Variants in RIMKLA observed in about 807,000 individuals in gnomAD.
RIMKLA encodes N-acetylaspartylglutamate synthase A.
Under a neutral mutation model 32.7 loss-of-function variants are expected in RIMKLA, and 14 were observed. The ratio of observed to expected loss-of-function variants is 0.43; its 90% CI spans 0.28 to 0.67. RIMKLA has a LOEUF of 0.67. Ranked by LOEUF, RIMKLA falls within the 30% of genes least tolerant of loss-of-function variation. The pLI is 0.18. For missense variants in RIMKLA, 410 were observed against 519.0 expected (o/e 0.79, Z 2.04); for synonymous variants, 176 against 204.1 (o/e 0.86, Z 1.18).
chr1:42,414,839 C>G lies in RIMKLA; in HGVS notation c.1041C>G (p.Thr347=), dbSNP rs1643231995. Residue 347 remains threonine (T), a synonymous_variant, in exon 5 of 5, where the codon ACC becomes ACG. Coordinates refer to ENST00000431473, the MANE Select transcript of RIMKLA (RefSeq NM_173642.4). ...ESVYTINSGS[T]SSESEPELGE... ...TCTATACCATCAACAGTGGGTCTAC[C>G]TCTAGTGAAAGTGAGCCTGAACTGG... 2 of 1,614,196 alleles carry G rather than the reference C, an allele frequency of 1.2e-6. No individual in the cohort carries two copies. Among genetic ancestry groups the G allele is most frequent in the South Asian group, 1.1e-5 (1 of 91,084 alleles).
intron 3 of RIMKLA, among the ~76,000 whole-genome samples, chr1:42,407,176 G>A (rs917561673): frequency 2.0e-5 from 3 of 152,100 alleles, no homozygotes; most frequent in African/African-American, 7.2e-5. Context: ...AAAATGCTGG[G>A]ATTACAGGCG....
At chr1:42,409,451 TG>T in intron 3 of RIMKLA, among the ~76,000 whole-genome samples, 1 of 152,200 alleles carries the variant, frequency 6.6e-6, no homozygotes, top group Non-Finnish European at 1.5e-5. Context: ...AGACCTCTGT[TG>T]ATGTTATATC....
chr1:42,405,926 C>G (rs893217084), intron 3 of RIMKLA, among the ~76,000 whole-genome samples: 38 of 152,130 alleles, frequency 2.5e-4, no homozygotes, highest in African/African-American at 9.2e-4. Flanking sequence ...ATAGATGAGT[C>G]GTGTTGAGGA....
rs1643256922 is a variant in RIMKLA at position 42,417,303 on chromosome 1, G to A, written c.*2329G>A. ...TGCCTGGCACTAGCCCTGTCTAGAA[G>A]TGGAGAAAGCTGGATCACAGCTGGA... On this transcript the variant is annotated 3_prime_UTR_variant, in exon 5 of 5. Coordinates refer to ENST00000431473, the MANE Select transcript of RIMKLA (RefSeq NM_173642.4). The A allele has an allele frequency of 6.6e-6, 1 of 152,276 alleles. No individual in the cohort carries two copies. The highest frequency in any genetic ancestry group is 1.5e-5 in the Non-Finnish European group (1 of 68,072). 9.4% of individuals were successfully genotyped at this position (152,276 alleles called of 1,614,324 possible).
At chr1:42,384,533 ATATATATG>A (rs898115072) in intron 1 of RIMKLA, among the ~76,000 whole-genome samples, 23 of 144,092 alleles carry the variant, frequency 1.6e-4, no homozygotes, top group African/African-American at 5.5e-4. Context: ...GTATATATAC[ATATATATG>A]TATATATATG....
intron 1 of RIMKLA, 125 bp downstream of exon 1, chr1:42,381,222 C>G (rs1642885848): frequency 1.5e-6 from 1 of 666,078 alleles, no homozygotes; most frequent in Non-Finnish European, 2.1e-6. Context: ...TAGCCGCACT[C>G]TAGCTGCGAG....
At chr1:42,396,540 C>T (rs2148388251) in intron 1 of RIMKLA, 1 of 152,324 alleles carries the variant, frequency 6.6e-6, no homozygotes, top group Admixed American at 6.5e-5. Flanking sequence ...CTCGTTGAGG[C>T]TGAGTTGTCT....
intron 1 of RIMKLA, among the ~76,000 whole-genome samples, chr1:42,385,441 T>C (rs1642927516): frequency 6.6e-6 from 1 of 152,322 alleles, no homozygotes; most frequent in South Asian, 2.1e-4. Flanking sequence ...TGTTACTGTT[T>C]GTCTCTTAGG....
chr1:42,414,506 G>A lies in RIMKLA; in HGVS notation c.708G>A (p.Pro236=), dbSNP rs139332664. Residue 236 remains proline (P), a synonymous_variant, in exon 5 of 5, where the codon CCG becomes CCA. Coordinates refer to ENST00000431473, the MANE Select transcript of RIMKLA (RefSeq NM_173642.4). ...CAGGTGGCGTGGGCGTCAAGTGTCC[G>A]CTGACAGAACAAGGCAAGCAGTTGG... ...CSLGGVGVKC[P]LTEQGKQLAI... The A allele has an allele frequency of 6.6e-5, 106 of 1,614,084 alleles. No individual in the cohort carries two copies. The African/African-American group carries it at 8.5e-4, about 13-fold the overall frequency.
In RIMKLA at chr1:42,414,648, G is replaced by T; in HGVS notation, c.850G>T (p.Asp284Tyr). 6.2e-7 allele frequency: 1 copy of T among 1,614,180 alleles called. No individual in the cohort carries two copies. Among genetic ancestry groups the T allele is most frequent in the South Asian group, 1.1e-5 (1 of 91,078 alleles). ...TGCTAATGTTGGCTTCCTAGCCTTTGACCAGGCATGCAACTTAGATGTGGG... is the reference window on the plus strand; with the variant it reads ...TGCTAATGTTGGCTTCCTAGCCTTTTACCAGGCATGCAACTTAGATGTGGG... ...ANANVGFLAF[D>Y]QACNLDVGGI... The change falls in exon 5 of 5, where the codon GAC becomes TAC. Residue 284 changes from aspartate to tyrosine, a missense_variant. Asp to Tyr is a radical substitution (Grantham distance 160, BLOSUM62 -3). Transcript: ENST00000431473.
chr1:42,423,074 A>G lies in RIMKLA; in HGVS notation c.*8100A>G, dbSNP rs1430429315. Among the ~76,000 whole-genome samples the G allele has an allele frequency of 1.3e-5, 2 of 152,138 alleles. No individual in the cohort carries two copies. Among genetic ancestry groups the G allele is most frequent in the Admixed American group, 1.3e-4 (2 of 15,276 alleles). On this transcript the variant is annotated 3_prime_UTR_variant, in exon 5 of 5. Coordinates refer to ENST00000431473, the MANE Select transcript of RIMKLA (RefSeq NM_173642.4). ...ACATTTCAAGAGGCTTCCTGGGAGA[A>G]GCGGTGATAAGACCCTGGGGGACTA...
rs186825550 is a variant in RIMKLA at position 42,393,013 on chromosome 1, C to G, written c.164-6391C>G. On this transcript the variant is annotated intron_variant, in intron 1 of 4. Transcript: ENST00000431473. Reference sequence around the variant, plus strand: ...TCTCAAAACAAAAACTTGAAATTGTCAACTCCCTGGCCTCTCAGGTGGAAT... The same window carrying G: ...TCTCAAAACAAAAACTTGAAATTGTGAACTCCCTGGCCTCTCAGGTGGAAT... Among the ~76,000 whole-genome samples, 34 of 152,132 alleles carry G rather than the reference C, an allele frequency of 2.2e-4. No homozygotes were observed. In the East Asian group the frequency reaches 6.0e-3, roughly 27 times the overall value.
chr1:42,402,395 A>C (rs952549629), intron 2 of RIMKLA, among the ~76,000 whole-genome samples: 1 of 152,194 alleles, frequency 6.6e-6, no homozygotes, highest in Admixed American at 6.5e-5. Flanking sequence ...ACAGGAAATC[A>C]GAAGAGAGAG....
chr1:42,391,223 T>C (rs112630550), intron 1 of RIMKLA, among the ~76,000 whole-genome samples: 2,949 of 152,226 alleles, frequency 0.019, 99 homozygotes, highest in African/African-American at 0.066. Context: ...TCCTTGGCAT[T>C]GAAAGGATTC....
chr1:42,399,908 G>A (rs2148389804), intron 2 of RIMKLA, among the ~76,000 whole-genome samples: 1 of 152,294 alleles, frequency 6.6e-6, no homozygotes, highest in Non-Finnish European at 1.5e-5. Context: ...TGCCCTCAAG[G>A]CATTCCCAGT....
Position 42,410,037 on chromosome 1 carries a change from C to G in RIMKLA, c.535C>G (p.Leu179Val). 6.2e-7 allele frequency: 1 copy of G among 1,614,158 alleles called. No individual in the cohort carries two copies. The highest frequency in any genetic ancestry group is 8.5e-7 in the Non-Finnish European group (1 of 1,180,014). ...ACATCACCTCTCTGACATCTGCCAT[C>G]TGATCCGCCACGATGTGCCCTACCT... is the stretch of plus-strand genomic sequence containing the variant. ...DKHHLSDICH[L>V]IRHDVPYLFQ... Residue 179 changes from leucine to valine, a missense_variant, in exon 4 of 5, where the codon CTG becomes GTG. Leu to Val is a conservative substitution (Grantham distance 32). Coordinates refer to ENST00000431473, the MANE Select transcript of RIMKLA (RefSeq NM_173642.4).
rs1367531209 is a variant in RIMKLA at position 42,422,200 on chromosome 1, GTAA to G, written c.*7228_*7230del. 11 of 152,256 alleles carry G rather than the reference GTAA, an allele frequency of 7.2e-5. No individual in the cohort carries two copies. The highest frequency in any genetic ancestry group is 1.5e-5 in the Non-Finnish European group (1 of 68,044). The allele number at this position is 152,256 out of a possible 1,614,324, so 9.4% of individuals were successfully genotyped here. A position where few individuals can be genotyped will look rare whatever the true frequency, so the allele number is the denominator to read the frequency against. ...ATTTCTCAGAAGCAAGTGTCCTAGT[GTAA>G]TGTGCACAAGTGGCATGAAGTTTAA... On this transcript the variant is annotated 3_prime_UTR_variant, in exon 5 of 5. Transcript: ENST00000431473.
chr1:42,383,175 C>G (rs912805315), intron 1 of RIMKLA, among the ~76,000 whole-genome samples: 2 of 152,064 alleles, frequency 1.3e-5, no homozygotes, highest in Non-Finnish European at 2.9e-5. Flanking sequence ...CGTGAGCCAC[C>G]GCGTCCGGCC....
chr1:42,384,706 A>G (rs1020825377), intron 1 of RIMKLA, among the ~76,000 whole-genome samples: 1 of 151,852 alleles, frequency 6.6e-6, no homozygotes, highest in South Asian at 2.1e-4. Flanking sequence ...TAGCTCTTCT[A>G]AATGCCAATA....
Sources: allele counts gnomAD v4.1 joint callset (sites outside exome capture counted in the v4.1 genomes callset), GRCh38; gene constraint gnomAD v4.1.1; transcripts MANE v1.5; gene names NCBI Gene and HGNC (gene_info 2026-07-23, HGNC 2026-07-21).